Variants in CDK14 observed in about 807,000 individuals in gnomAD.
The protein encoded by CDK14 is cyclin-dependent kinase 14.
Under a neutral mutation model 60.7 loss-of-function variants are expected in CDK14, and 34 were observed. The observed-to-expected ratio is 0.56, with a 90% confidence interval of 0.43 to 0.75. CDK14 has a LOEUF of 0.75. Ranked by LOEUF, CDK14 falls within the 30% of genes least tolerant of loss-of-function variation. The pLI is 0.00. For missense variants in CDK14, 482 were observed against 564.1 expected, an observed-to-expected ratio of 0.85 and a Z score of 1.47; for synonymous variants, 197 against 203.7, an observed-to-expected ratio of 0.97 and a Z score of 0.28.
chr7:91,018,563 C>T (rs982469518), intron 10 of CDK14, among the ~76,000 whole-genome samples: 2 of 152,124 alleles, frequency 1.3e-5, no homozygotes, highest in African/African-American at 4.8e-5. Context: ...GCTGTGTGTC[C>T]CCACCCAAAT....
chr7:90,784,364 A>T (rs1042090636), intron 4 of CDK14, among the ~76,000 whole-genome samples: 1 of 152,184 alleles, frequency 6.6e-6, no homozygotes, highest in African/African-American at 2.4e-5. Flanking sequence ...TAGGATGACT[A>T]TAGTTAACAA....
Position 90,649,353 on chromosome 7 carries a change from CTTCCTTCCTTCCT to C in CDK14, c.123+45119_123+45131del, listed in dbSNP as rs1563029957. On this transcript the variant is annotated intron_variant, in intron 2 of 14. Coordinates refer to ENST00000380050, the MANE Select transcript of CDK14 (RefSeq NM_001287135.2). ...CCTTCCTTCCTTCCTTCCTTCCTTC[CTTCCTTCCTTCCT>C]TTCCTTCCTTCCTTCCTTCCTTCCT... Among the ~76,000 whole-genome samples the C allele has an allele frequency of 1.8e-3, 86 of 47,524 alleles. 2 individuals are homozygous for C. Among genetic ancestry groups the C allele is most frequent in the African/African-American group, 5.7e-3 (42 of 7,416 alleles). 31.2% of individuals were successfully genotyped at this position (47,524 alleles called of 152,430 possible). A position where few individuals can be genotyped will look rare whatever the true frequency, so the allele number is the denominator to read the frequency against.
chr7:90,662,606 A>G (rs1029257889), intron 2 of CDK14, among the ~76,000 whole-genome samples: 4 of 152,204 alleles, frequency 2.6e-5, no homozygotes, highest in Non-Finnish European at 5.9e-5. Context: ...GTAAAATCAC[A>G]TTTACTTCCT....
chr7:90,935,347 G>A (rs1793716401), intron 8 of CDK14, among the ~76,000 whole-genome samples: 1 of 152,186 alleles, frequency 6.6e-6, no homozygotes, highest in Non-Finnish European at 1.5e-5. Flanking sequence ...CATCATTCCA[G>A]TGACTGAAAC....
intron 5 of CDK14, among the ~76,000 whole-genome samples, chr7:90,798,774 T>C (rs1788530157): frequency 6.6e-6 from 1 of 151,706 alleles, no homozygotes; most frequent in Non-Finnish European, 1.5e-5. Context: ...TGAGCTAGAG[T>C]GTGTAATGGA....
rs73402709 is a variant in CDK14, at chr7:91,149,626, A to G, written c.*28+31418A>G. On this transcript the variant is annotated intron_variant, in intron 14 of 14. Transcript: ENST00000380050. ...GACAAAAGCTTGTTCTTGGCCCCAT[A>G]TCTGTCTCTACAGTTCTCTCCACTA... Among the ~76,000 whole-genome samples the G allele has an allele frequency of 7.6e-4, 115 of 152,278 alleles. 1 individual carries two copies. The highest frequency in any genetic ancestry group is 2.7e-3 in the African/African-American group (112 of 41,552).
chr7:90,895,825 C>G (rs1045259069), intron 6 of CDK14, among the ~76,000 whole-genome samples: 1 of 149,306 alleles, frequency 6.7e-6, no homozygotes, highest in Non-Finnish European at 1.5e-5. Flanking sequence ...ATCCGCCTGC[C>G]TCAGCCTCCC....
chr7:90,916,220 G>A (rs1164620869), intron 7 of CDK14, among the ~76,000 whole-genome samples: 2 of 152,160 alleles, frequency 1.3e-5, no homozygotes, highest in Admixed American at 6.5e-5. Flanking sequence ...GCAGCTGCTA[G>A]TGATGGTGTG....
intron 8 of CDK14, among the ~76,000 whole-genome samples, chr7:90,942,259 G>T (rs895818515): frequency 1.3e-5 from 2 of 152,156 alleles, no homozygotes; most frequent in Non-Finnish European, 2.9e-5. Context: ...GGCTTGGGAA[G>T]GAATATTCTC....
chr7:90,935,431 A>T lies in CDK14; in HGVS notation c.826+17707A>T, dbSNP rs891480358. Reference sequence around the variant, plus strand: ...TTATTTTTAAAAGTAAATTCAAGGCAAATTTTTAAATATATCTTTACATTA... The same window carrying T: ...TTATTTTTAAAAGTAAATTCAAGGCTAATTTTTAAATATATCTTTACATTA... On this transcript the variant is annotated intron_variant, in intron 8 of 14. Transcript: ENST00000380050. Among the ~76,000 whole-genome samples the T allele has an allele frequency of 3.3e-5, 5 of 152,234 alleles. No individual in the cohort carries two copies. In the South Asian group the frequency reaches 8.3e-4, roughly 25 times the overall value.
At chr7:90,922,670 T>G (rs1456779437) in intron 8 of CDK14, among the ~76,000 whole-genome samples, 1 of 152,182 alleles carries the variant, frequency 6.6e-6, no homozygotes, top group Non-Finnish European at 1.5e-5. Flanking sequence ...CCTTAATCAT[T>G]TACATCTTGT....
intron 9 of CDK14, 35 bp from the exon 10 acceptor site, chr7:90,984,113 T>G (rs756575848): frequency 4.5e-6 from 6 of 1,326,992 alleles, no homozygotes; most frequent in Non-Finnish European, 6.5e-6. Context: ...CAGAATATAT[T>G]GAAGTTTTGT....
In CDK14 at chr7:90,839,244, G is replaced by A. The variant is rs144796814; in HGVS notation, c.545-23931G>A. ...GCATTCATTTAAGAGGTGAGGAAAT[G>A]AATCAAGTCTCAGTGGTTGATTGAC... is the stretch of plus-strand genomic sequence containing the variant. On this transcript the variant is annotated intron_variant, in intron 5 of 14. Transcript: ENST00000380050. Among the ~76,000 whole-genome samples the A allele has an allele frequency of 5.3e-5, 8 of 152,274 alleles. 1 individual carries two copies. The East Asian group carries it at 1.5e-3, about 29-fold the overall frequency.
At chr7:90,797,600 G>A (rs754748512) in intron 5 of CDK14, among the ~76,000 whole-genome samples, 4 of 151,932 alleles carry the variant, frequency 2.6e-5, no homozygotes, top group Non-Finnish European at 5.9e-5. Context: ...ACCTGAGACT[G>A]AGTAATTTCT....
chr7:90,970,835 G>GATA (rs1270894113), intron 9 of CDK14, among the ~76,000 whole-genome samples: 1 of 152,112 alleles, frequency 6.6e-6, no homozygotes, highest in Non-Finnish European at 1.5e-5. Flanking sequence ...AATTTCATAG[G>GATA]ATAATATTAG....
chr7:91,110,612 G>A (rs1208291912), intron 12 of CDK14, among the ~76,000 whole-genome samples: 1 of 152,050 alleles, frequency 6.6e-6, no homozygotes, highest in Non-Finnish European at 1.5e-5. Context: ...ACCAACTATC[G>A]CAATCACCTT....
intron 10 of CDK14, among the ~76,000 whole-genome samples, chr7:90,986,458 T>C (rs1422167199): frequency 1.3e-5 from 2 of 152,074 alleles, no homozygotes; most frequent in Non-Finnish European, 2.9e-5. Context: ...GAGATTGTAC[T>C]GAGTCTATGG....
In CDK14 at chr7:91,112,674, C is replaced by A; in HGVS notation, c.1287C>A (p.Leu429=). ...FSDLPPRLWE[L]TDMSSIFTVP... ...ACCTGCCGCCACGGCTATGGGAACT[C>A]ACCGACAGTGAGTATGACAAATCCA... Residue 429 remains leucine, a synonymous_variant, in exon 13 of 15, where the codon CTC becomes CTA. Transcript: ENST00000380050. 3 of 1,613,512 alleles carry A rather than the reference C, an allele frequency of 1.9e-6. No individual in the cohort carries two copies. Among genetic ancestry groups the A allele is most frequent in the Non-Finnish European group, 2.5e-6 (3 of 1,179,788 alleles).
intron 6 of CDK14, among the ~76,000 whole-genome samples, chr7:90,885,199 C>G (rs922418187): frequency 5.4e-4 from 82 of 152,204 alleles, no homozygotes; most frequent in African/African-American, 1.9e-3. Flanking sequence ...TGACAAAGGT[C>G]TAATATCCAG....
Sources: gnomAD v4.1 joint callset for allele counts (sites outside exome capture counted in the v4.1 genomes callset) on GRCh38, gnomAD v4.1.1 for gene constraint, MANE v1.5 for transcripts, NCBI Gene and HGNC (gene_info 2026-07-23, HGNC 2026-07-21) for gene names.